Variants in CEP128 observed in about 807,000 individuals in gnomAD.
CEP128 encodes the protein centrosomal protein 128kDa.
In CEP128, 132 loss-of-function variants were observed where a neutral mutation model predicts 156.7. That is an observed-to-expected ratio of 0.84 (90% CI 0.73 to 0.97). CEP128 has a LOEUF of 0.97. Ranked by LOEUF, CEP128 falls within the 50% of genes least tolerant of loss-of-function variation. CEP128 has a pLI of 0.00. For synonymous variants in CEP128, 469 were observed against 448.9 expected (o/e 1.04, Z -0.57); for missense variants, 1,252 against 1,281.9 (o/e 0.98, Z 0.36).
rs373082442 is a variant in CEP128 at position 80,560,767 on chromosome 14, G to A, written c.2857-1465C>T. Among the ~76,000 whole-genome samples the A allele has an allele frequency of 5.9e-5, 9 of 152,166 alleles. No individual in the cohort carries two copies. The East Asian group carries it at 1.2e-3, about 20-fold the overall frequency. On this transcript the variant is annotated intron_variant, in intron 20 of 24. Coordinates refer to ENST00000555265, the MANE Select transcript of CEP128 (RefSeq NM_152446.5). Reference sequence around the variant, plus strand: ...TCTCCCGTGCTGGATGCTTCCTGCCGTTGAACACTGTACGCCACGTTCTTC... The same window carrying A: ...TCTCCCGTGCTGGATGCTTCCTGCCATTGAACACTGTACGCCACGTTCTTC...
intron 2 of CEP128, among the ~76,000 whole-genome samples, chr14:80,932,012 TA>T (rs1259750823): frequency 6.6e-6 from 1 of 152,182 alleles, no homozygotes; most frequent in Non-Finnish European, 1.5e-5. Flanking sequence ...AATTGACTCA[TA>T]GGGGCAGTTA....
At chr14:80,825,996 C>A (rs552845808) in intron 13 of CEP128, among the ~76,000 whole-genome samples, 1 of 151,522 alleles carries the variant, frequency 6.6e-6, no homozygotes, top group Non-Finnish European at 1.5e-5. Flanking sequence ...ATCCCAGCTA[C>A]TCAGGATGCT....
intron 19 of CEP128, among the ~76,000 whole-genome samples, chr14:80,689,383 A>C (rs188050785): frequency 1.0e-3 from 159 of 152,116 alleles, no homozygotes; most frequent in Non-Finnish European, 1.8e-3. Context: ...CATCAAGCTA[A>C]AATTGGAAGG....
rs116789544 is a variant in CEP128 at position 80,879,650 on chromosome 14, G to C, written c.645+16068C>G. ...AGTATTTTGAAATGACTCAACCAGAGGGGAAAAAAGAACGAAAAAGAGTAA... is the reference window on the plus strand; with the variant it reads ...AGTATTTTGAAATGACTCAACCAGACGGGAAAAAAGAACGAAAAAGAGTAA... On this transcript the variant is annotated intron_variant, in intron 8 of 24. Coordinates refer to ENST00000555265, the MANE Select transcript of CEP128 (RefSeq NM_152446.5). Among the ~76,000 whole-genome samples, 724 of 151,666 alleles carry C rather than the reference G, an allele frequency of 4.8e-3. 9 individuals carry two copies. Among genetic ancestry groups the C allele is most frequent in the African/African-American group, 0.017 (697 of 41,336 alleles).
At position 80,862,784 on chromosome 14, in the gene CEP128, C is replaced by T. The variant is rs529483840; in HGVS notation, c.735G>A (p.Leu245=). ...CCTGTAGCTGCAGGGACATGAGTCC[C>T]AGTTGATCCTGGCGTCTTTCCACCA... is the stretch of plus-strand genomic sequence containing the variant. ...RELVERRQDQ[L]GLMSLQLQEA... is the part of the protein sequence containing the mutation. The change falls in exon 9 of 25, where the codon CTG becomes CTA. Residue 245 remains leucine (L), a synonymous_variant. Transcript: ENST00000555265. 1 of 1,613,252 alleles carries T rather than the reference C, an allele frequency of 6.2e-7. No individual in the cohort carries two copies. Among genetic ancestry groups the T allele is most frequent in the African/African-American group, 1.3e-5 (1 of 75,020 alleles).
chr14:80,673,645 C>CAA (rs4016509), intron 19 of CEP128, among the ~76,000 whole-genome samples: 4,790 of 43,914 alleles, frequency 0.11, 941 homozygotes, highest in East Asian at 0.39. Context: ...GACTCCGTCT[C>CAA]AAAAAAAAAA....
At chr14:80,619,706 T>TCA (rs765078464) in intron 19 of CEP128, among the ~76,000 whole-genome samples, 7 of 124,550 alleles carry the variant, frequency 5.6e-5, no homozygotes, top group South Asian at 5.2e-4. Flanking sequence ...CTGTCTCAAG[T>TCA]TAAAAAAAAA....
At chr14:80,946,809 C>T (rs138108850) in intron 2 of CEP128, among the ~76,000 whole-genome samples, 26 of 152,288 alleles carry the variant, frequency 1.7e-4, no homozygotes, top group African/African-American at 6.3e-4. Flanking sequence ...GGCTTGGTTC[C>T]GTGTCCCCAC....
Position 80,840,845 on chromosome 14 carries a change from A to G in CEP128, c.763-77T>C. 4 of 866,550 alleles carry G rather than the reference A, an allele frequency of 4.6e-6. No homozygotes were observed. The South Asian group carries it at 5.8e-5, about 12-fold the overall frequency. 53.7% of individuals were successfully genotyped at this position (866,550 alleles called of 1,614,324 possible). On this transcript the variant is annotated intron_variant, in intron 9 of 24. Coordinates refer to ENST00000555265, the MANE Select transcript of CEP128 (RefSeq NM_152446.5). ...AAGTCACTACTAGAATTTATTATGT[A>G]TTAGGGCTGAAGAAGACATGGATAT...
chr14:80,585,661 T>A (rs1208029796), intron 19 of CEP128, among the ~76,000 whole-genome samples: 2 of 152,140 alleles, frequency 1.3e-5, no homozygotes, highest in East Asian at 3.9e-4. Flanking sequence ...ATATGTTGAG[T>A]TACTGATTGC....
intron 14 of CEP128, among the ~76,000 whole-genome samples, chr14:80,482,069 CT>C (rs1687555972): frequency 6.6e-6 from 1 of 152,116 alleles, no homozygotes; most frequent in Non-Finnish European, 1.5e-5. Context: ...AGAAAAAGTG[CT>C]GCTCCTTTTT....
chr14:80,762,635 C>G (rs1012107431), intron 16 of CEP128, among the ~76,000 whole-genome samples: 1 of 152,206 alleles, frequency 6.6e-6, no homozygotes, highest in Admixed American at 6.5e-5. Context: ...AAAGACAGAC[C>G]CTTTCATAAT....
At chr14:80,656,321 A>ACAT (rs1895162308) in intron 19 of CEP128, among the ~76,000 whole-genome samples, 2 of 22,908 alleles carry the variant, frequency 8.7e-5, no homozygotes, top group African/African-American at 4.2e-4. Flanking sequence ...ATATATATAT[A>ACAT]TATATATATA....
At chr14:80,714,782 CAA>C (rs1209462024) in intron 19 of CEP128, among the ~76,000 whole-genome samples, 2 of 151,266 alleles carry the variant, frequency 1.3e-5, no homozygotes, top group Non-Finnish European at 1.5e-5. Flanking sequence ...AGCAGCAGAT[CAA>C]GACTTAAAAA....
At chr14:80,490,614 T>A (rs1887292320) in exon 7 of CEP128, 1 of 152,156 alleles carries the variant, frequency 6.6e-6, no homozygotes, top group Non-Finnish European at 1.5e-5. Flanking sequence ...CATAGTCTGT[T>A]AGAAGGAGGA....
rs200840072 is a variant in CEP128, at chr14:80,619,707, T to TA, written c.2807-39285dup. Among the ~76,000 whole-genome samples the TA allele has an allele frequency of 6.0e-3, 595 of 99,386 alleles. 4 individuals carry two copies. Among genetic ancestry groups the TA allele is most frequent in the Middle Eastern group, 0.012 (2 of 166 alleles). 65.2% of individuals were successfully genotyped at this position (99,386 alleles called of 152,430 possible). ...ACAAGAGCAAAACTCTGTCTCAAGT[T>TA]AAAAAAAAAAAAAAAAGAAAGAAAG... On this transcript the variant is annotated intron_variant, in intron 19 of 24. Coordinates refer to ENST00000555265, the MANE Select transcript of CEP128 (RefSeq NM_152446.5).
At chr14:80,869,661 TG>T (rs1364495323) in intron 8 of CEP128, among the ~76,000 whole-genome samples, 3 of 152,068 alleles carry the variant, frequency 2.0e-5, no homozygotes, top group Admixed American at 6.6e-5. Context: ...AACTAACAGT[TG>T]TTTGGGTAAA....
At chr14:80,682,767 A>G (rs1407656207) in intron 19 of CEP128, among the ~76,000 whole-genome samples, 1 of 152,246 alleles carries the variant, frequency 6.6e-6, no homozygotes, top group Non-Finnish European at 1.5e-5. Context: ...TTTACAAGCC[A>G]GGAGAGATTG....
chr14:80,678,325 A>G (rs1168951221), intron 19 of CEP128, among the ~76,000 whole-genome samples: 2 of 151,434 alleles, frequency 1.3e-5, no homozygotes, highest in Non-Finnish European at 2.9e-5. Context: ...AATATCAAAC[A>G]CAGCTTGACA....
Sources: gnomAD v4.1 joint callset for allele counts (sites outside exome capture counted in the v4.1 genomes callset) on GRCh38, gnomAD v4.1.1 for gene constraint, MANE v1.5 for transcripts, NCBI Gene and HGNC (gene_info 2026-07-23, HGNC 2026-07-21) for gene names.